Variants in CATSPERE observed in about 807,000 individuals in gnomAD.
CATSPERE encodes catsper channel auxiliary subunit epsilon.
A neutral mutation model predicts 114.1 loss-of-function variants in CATSPERE; 93 were observed. The ratio of observed to expected loss-of-function variants is 0.81; its 90% CI spans 0.69 to 0.97. The LOEUF is 0.97. Ranked by LOEUF, CATSPERE falls within the 50% of genes least tolerant of loss-of-function variation. The pLI is 0.00. For missense variants in CATSPERE, 1,058 were observed against 1,131.6 expected (o/e 0.93, Z 0.93); for synonymous variants, 341 against 384.1 (o/e 0.89, Z 1.31).
At chr1:244,469,624 G>GA (rs1668149021) in intron 2 of CATSPERE, among the ~76,000 whole-genome samples, 1 of 152,122 alleles carries the variant, frequency 6.6e-6, no homozygotes, top group Non-Finnish European at 1.5e-5. Context: ...CTTTATATAG[G>GA]AAGCCCAAGG....
chr1:244,469,592 T>C (rs983889770), intron 2 of CATSPERE, among the ~76,000 whole-genome samples: 2 of 152,194 alleles, frequency 1.3e-5, no homozygotes, highest in Admixed American at 6.5e-5. Context: ...ATAAACTATT[T>C]CTATTTGCAG....
chr1:244,623,213 G>A (rs886256447), intron 20 of CATSPERE, among the ~76,000 whole-genome samples: 6 of 152,172 alleles, frequency 3.9e-5, no homozygotes, highest in Admixed American at 6.5e-5. Flanking sequence ...GAGTAGCTGA[G>A]ACTACAGGCA....
chr1:244,502,052 G>A (rs190850023), intron 7 of CATSPERE, among the ~76,000 whole-genome samples: 1 of 151,886 alleles, frequency 6.6e-6, no homozygotes, highest in East Asian at 1.9e-4. Context: ...AGGTGTCACT[G>A]CCTTCAAGAT....
Position 244,541,158 on chromosome 1 carries a change from G to T in CATSPERE, c.537-11164G>T, listed in dbSNP as rs1384619217. Among the ~76,000 whole-genome samples, 3 of 148,692 alleles carry T rather than the reference G, an allele frequency of 2.0e-5. No individual in the cohort carries two copies. In the Admixed American group the frequency reaches 2.0e-4, roughly 10 times the overall value. ...AACAAAAGACAAAATTGACAAATGG[G>T]ATGTAATTAAACTAAAGAGCTTCTG... On this transcript the variant is annotated intron_variant, in intron 8 of 21. Transcript: ENST00000366534.
chr1:244,600,357 CAAA>C (rs34923679), intron 17 of CATSPERE, among the ~76,000 whole-genome samples: 7 of 93,988 alleles, frequency 7.4e-5, no homozygotes, highest in East Asian at 2.5e-4. Flanking sequence ...CTACCTAGTC[CAAA>C]AAAAAAAAAA....
chr1:244,484,564 G>A (rs989012641), intron 5 of CATSPERE, among the ~76,000 whole-genome samples: 1 of 152,150 alleles, frequency 6.6e-6, no homozygotes, highest in African/African-American at 2.4e-5. Context: ...TGTAATTGGT[G>A]TTGCAAACTT....
Position 244,461,487 on chromosome 1 carries a change from C to T in CATSPERE, c.58C>T (p.Leu20Phe), listed in dbSNP as rs983709362. Residue 20 changes from leucine (L) to phenylalanine (F), a missense_variant, in exon 1 of 22, where the codon CTT (leucine) becomes TTT (phenylalanine). Leu to Phe is a conservative substitution (Grantham distance 22). Around this residue, in one of 2 missense-constraint regions of CATSPERE, gnomAD observed 271 missense variants for 225.9 expected, o/e 1.20. Coordinates refer to ENST00000366534, the MANE Select transcript of CATSPERE (RefSeq NM_001130957.2). ...LLWLSCYGSA[L>F]WRYSTNSPNY... is the part of the protein sequence containing the mutation. ...GTGGCTGAGCTGCTATGGCTCCGCCCTTTGGAGGTAGAGAGACGCCAGTCG... is the reference window on the plus strand; with the variant it reads ...GTGGCTGAGCTGCTATGGCTCCGCCTTTTGGAGGTAGAGAGACGCCAGTCG... The T allele has an allele frequency of 1.6e-5, 21 of 1,326,126 alleles. No homozygotes were observed. The highest frequency in any genetic ancestry group is 4.5e-5 in the African/African-American group (3 of 66,016). The allele number at this position is 1,326,126 out of a possible 1,614,324, so 82.1% of individuals were successfully genotyped here.
intron 17 of CATSPERE, among the ~76,000 whole-genome samples, chr1:244,599,014 T>C (rs1340295476): frequency 6.6e-6 from 1 of 152,158 alleles, no homozygotes; most frequent in African/African-American, 2.4e-5. Context: ...GTCTGATATA[T>C]AGAACTACAT....
intron 17 of CATSPERE, among the ~76,000 whole-genome samples, chr1:244,599,436 C>T (rs1345450993): frequency 6.6e-6 from 1 of 152,182 alleles, no homozygotes; most frequent in Non-Finnish European, 1.5e-5. Context: ...CTCATACACC[C>T]TACATCAAAT....
Position 244,490,498 on chromosome 1 carries a change from G to C in CATSPERE, c.351+27G>C, listed in dbSNP as rs763288748. ...TAAAATATTTTTTAAATTTTGTATAGCCTTCATATATCACTAGTATATTGT... is the reference window on the plus strand; with the variant it reads ...TAAAATATTTTTTAAATTTTGTATACCCTTCATATATCACTAGTATATTGT... On this transcript the variant is annotated intron_variant, in intron 6 of 21. Transcript: ENST00000366534. 4 of 1,293,106 alleles carry C rather than the reference G, an allele frequency of 3.1e-6. No individual in the cohort carries two copies. In the African/African-American group the frequency reaches 4.4e-5, roughly 14 times the overall value. 80.1% of individuals were successfully genotyped at this position (1,293,106 alleles called of 1,614,324 possible). A position where few individuals can be genotyped will look rare whatever the true frequency, so the allele number is the denominator to read the frequency against.
intron 19 of CATSPERE, among the ~76,000 whole-genome samples, chr1:244,616,211 A>T (rs1409145864): frequency 3.9e-5 from 6 of 152,178 alleles, no homozygotes; most frequent in African/African-American, 1.4e-4. Flanking sequence ...TACAGCAGTA[A>T]GCAATAAGCT....
intron 8 of CATSPERE, among the ~76,000 whole-genome samples, chr1:244,544,130 C>T (rs3003241): frequency 0.87 from 132,264 of 152,096 alleles, 58,492 homozygotes; most frequent in East Asian, 1. Context: ...GACCCAAAAG[C>T]CCTTAAATAA....
chr1:244,481,089 G>C (rs775509763), intron 5 of CATSPERE, among the ~76,000 whole-genome samples: 3 of 152,094 alleles, frequency 2.0e-5, no homozygotes, highest in Non-Finnish European at 4.4e-5. Flanking sequence ...ACTGTGTCAA[G>C]GTTACGGTGA....
At chr1:244,597,551 CATG>C (rs1668612586) in intron 17 of CATSPERE, among the ~76,000 whole-genome samples, 1 of 23,404 alleles carries the variant, frequency 4.3e-5, no homozygotes, top group Non-Finnish European at 1.0e-4. Flanking sequence ...TTTTTTTTTT[CATG>C]ATCTGGGATT....
intron 17 of CATSPERE, among the ~76,000 whole-genome samples, chr1:244,598,861 G>T (rs1318299517): frequency 6.6e-6 from 1 of 151,898 alleles, no homozygotes; most frequent in Non-Finnish European, 1.5e-5. Context: ...AGTCACATGG[G>T]CCAGGATGTC....
At chr1:244,600,357 CA>C (rs34923679) in intron 17 of CATSPERE, among the ~76,000 whole-genome samples, 16,025 of 93,866 alleles carry the variant, frequency 0.17, 1,189 homozygotes, top group East Asian at 0.48. Flanking sequence ...CTACCTAGTC[CA>C]AAAAAAAAAA....
At chr1:244,599,202 C>A (rs1471626600) in intron 17 of CATSPERE, among the ~76,000 whole-genome samples, 1 of 152,158 alleles carries the variant, frequency 6.6e-6, no homozygotes, top group Admixed American at 6.5e-5. Context: ...TAATCAGATA[C>A]AGTTCCTGAA....
rs113154693 is a variant in CATSPERE, at chr1:244,490,109, T to G, written c.327-338T>G. Among the ~76,000 whole-genome samples, 719 of 152,258 alleles carry G rather than the reference T, an allele frequency of 4.7e-3. 2 individuals carry two copies. Among genetic ancestry groups the G allele is most frequent in the Middle Eastern group, 0.017 (5 of 294 alleles). ...GATCAACAAGGACAAATGATGCTTT[T>G]TGTTAAAATCATATGAGGACTTTGA... On this transcript the variant is annotated intron_variant, in intron 5 of 21. Transcript: ENST00000366534.
chr1:244,516,030 C>G (rs1676550382), intron 7 of CATSPERE, among the ~76,000 whole-genome samples: 1 of 151,524 alleles, frequency 6.6e-6, no homozygotes, highest in African/African-American at 2.4e-5. Flanking sequence ...CCCATCTGTA[C>G]AAAAAATACC....
Sources: allele counts gnomAD v4.1 joint callset (sites outside exome capture counted in the v4.1 genomes callset), GRCh38; gene constraint gnomAD v4.1.1; regional missense constraint gnomAD v4.1.1; transcripts MANE v1.5; gene names NCBI Gene and HGNC (gene_info 2026-07-23, HGNC 2026-07-21).